TMEM132D: variants seen among roughly 807,000 people sequenced by gnomAD.
TMEM132D encodes the protein transmembrane protein 132D.
A neutral mutation model predicts 62.3 loss-of-function variants in TMEM132D; 21 were observed. The ratio of observed to expected loss-of-function variants is 0.34; its 90% CI spans 0.24 to 0.49. The LOEUF (loss-of-function observed/expected upper bound fraction) is 0.49, where lower values mean the gene tolerates loss of function less well. Ranked by LOEUF, TMEM132D falls within the 20% of genes least tolerant of loss-of-function variation. TMEM132D has a pLI of 0.99. For synonymous variants in TMEM132D, 621 were observed against 575.6 expected (o/e 1.08, Z -1.13); for missense variants, 1,346 against 1,402.8 (o/e 0.96, Z 0.65).
At chr12:129,811,679 G>A (rs1046106143) in intron 1 of TMEM132D, among the ~76,000 whole-genome samples, 8 of 151,844 alleles carry the variant, frequency 5.3e-5, no homozygotes, top group African/African-American at 1.9e-4. Flanking sequence ...GATCCTCCAG[G>A]TTTATCCTGT....
chr12:129,367,812 G>A (rs11060277), intron 3 of TMEM132D, among the ~76,000 whole-genome samples: 59,791 of 141,166 alleles, frequency 0.42, 12,898 homozygotes, highest in Middle Eastern at 0.49. Flanking sequence ...TTGAGACAGA[G>A]TCTTGCTCTG....
At chr12:129,273,083 C>G (rs1880898991) in intron 4 of TMEM132D, among the ~76,000 whole-genome samples, 1 of 151,758 alleles carries the variant, frequency 6.6e-6, no homozygotes, top group Non-Finnish European at 1.5e-5. Flanking sequence ...GTAATCCCAG[C>G]TACTTGGCAG....
At chr12:129,605,601 A>C (rs1354091530) in intron 2 of TMEM132D, among the ~76,000 whole-genome samples, 1 of 67,918 alleles carries the variant, frequency 1.5e-5, no homozygotes, top group Admixed American at 1.5e-4. Context: ...ATATATATAT[A>C]TATACACACA....
At chr12:129,391,146 T>C (rs1390186697) in intron 3 of TMEM132D, among the ~76,000 whole-genome samples, 1 of 152,240 alleles carries the variant, frequency 6.6e-6, no homozygotes, top group Non-Finnish European at 1.5e-5. Flanking sequence ...TCTTGCAATT[T>C]CATTGTTTTC....
chr12:129,812,158 A>G (rs1872205316), intron 1 of TMEM132D, among the ~76,000 whole-genome samples: 1 of 151,490 alleles, frequency 6.6e-6, no homozygotes. Flanking sequence ...CAATCCTACA[A>G]CCCAAATGCG....
intron 4 of TMEM132D, chr12:129,262,847 T>G (rs1224272469): frequency 2.6e-5 from 4 of 152,192 alleles, no homozygotes; most frequent in Non-Finnish European, 4.4e-5. Flanking sequence ...CAACAACTCA[T>G]AGTTCAGTTC....
chr12:129,795,125 A>G (rs1871526023), intron 1 of TMEM132D, among the ~76,000 whole-genome samples: 1 of 152,234 alleles, frequency 6.6e-6, no homozygotes, highest in Admixed American at 6.5e-5. Context: ...CATTAAACAC[A>G]TTATTAACCA....
intron 5 of TMEM132D, among the ~76,000 whole-genome samples, chr12:129,130,169 CAA>C (rs1444970750): frequency 1.3e-5 from 2 of 152,138 alleles, no homozygotes; most frequent in Non-Finnish European, 2.9e-5. Flanking sequence ...TGGATTCCTT[CAA>C]CCTCCAGGAG....
At chr12:129,421,273 A>C (rs34159258) in intron 3 of TMEM132D, among the ~76,000 whole-genome samples, 53,826 of 151,404 alleles carry the variant, frequency 0.36, 10,921 homozygotes, top group Non-Finnish European at 0.47. Context: ...TAGTGGATCT[A>C]TTTTTAAAGT....
intron 3 of TMEM132D, among the ~76,000 whole-genome samples, chr12:129,364,526 C>T (rs1019778176): frequency 6.6e-6 from 1 of 152,166 alleles, no homozygotes; most frequent in Non-Finnish European, 1.5e-5. Flanking sequence ...TTTGTAGTTG[C>T]AATCGGGAAT....
At chr12:129,863,473 C>A (rs997316663) in intron 1 of TMEM132D, among the ~76,000 whole-genome samples, 1 of 152,152 alleles carries the variant, frequency 6.6e-6, no homozygotes, top group South Asian at 2.1e-4. Flanking sequence ...ATGAAGAATT[C>A]TGTTTTTTCA....
At chr12:129,284,572 C>G (rs1412503544) in intron 4 of TMEM132D, among the ~76,000 whole-genome samples, 1 of 152,132 alleles carries the variant, frequency 6.6e-6, no homozygotes, top group Non-Finnish European at 1.5e-5. Flanking sequence ...GGTATATACC[C>G]TGAATAATTG....
chr12:129,200,090 T>TC (rs1041872294), intron 5 of TMEM132D, among the ~76,000 whole-genome samples: 9 of 152,110 alleles, frequency 5.9e-5, no homozygotes, highest in African/African-American at 2.2e-4. Context: ...ATCTTTATCT[T>TC]CCCCTAACTC....
intron 4 of TMEM132D, among the ~76,000 whole-genome samples, chr12:129,273,126 G>A (rs1003188069): frequency 1.3e-5 from 2 of 151,798 alleles, no homozygotes; most frequent in African/African-American, 4.9e-5. Context: ...AATCTGGGAG[G>A]TGGAGGTTGC....
chr12:129,808,350 ACT>A (rs961155971), intron 1 of TMEM132D, among the ~76,000 whole-genome samples: 4 of 152,152 alleles, frequency 2.6e-5, no homozygotes, highest in African/African-American at 7.2e-5. Flanking sequence ...AAAGAAAAAC[ACT>A]CTCGGGTTGG....
At chr12:129,612,934 A>C (rs188710869) in intron 2 of TMEM132D, among the ~76,000 whole-genome samples, 19 of 152,332 alleles carry the variant, frequency 1.2e-4, no homozygotes, top group African/African-American at 4.3e-4. Flanking sequence ...CTAATATTTT[A>C]ACATTTCATG....
intron 3 of TMEM132D, among the ~76,000 whole-genome samples, chr12:129,493,154 T>G (rs1874852265): frequency 6.6e-6 from 1 of 152,182 alleles, no homozygotes; most frequent in Non-Finnish European, 1.5e-5. Context: ...TAACTTCATG[T>G]CTCTCTCTTA....
At chr12:129,640,797 C>T (rs1198324271) in intron 2 of TMEM132D, among the ~76,000 whole-genome samples, 1 of 152,174 alleles carries the variant, frequency 6.6e-6, no homozygotes, top group African/African-American at 2.4e-5. Flanking sequence ...TCTGTATTTA[C>T]AGCCACTCCC....
At chr12:129,695,002 C>A (rs925824939) in intron 2 of TMEM132D, among the ~76,000 whole-genome samples, 2 of 151,866 alleles carry the variant, frequency 1.3e-5, no homozygotes, top group Non-Finnish European at 2.9e-5. Context: ...AGTGAGACTC[C>A]GTCTCAAAAA....
Sources: gnomAD v4.1 joint callset for allele counts (sites outside exome capture counted in the v4.1 genomes callset) on GRCh38, gnomAD v4.1.1 for gene constraint, MANE v1.5 for transcripts, NCBI Gene and HGNC (gene_info 2026-07-23, HGNC 2026-07-21) for gene names.